The following GRAMD4 variants were observed in gnomAD, a reference collection of about 807,000 sequenced individuals.
GRAMD4 encodes GRAM domain-containing protein 4.
Under a neutral mutation model 83.9 loss-of-function variants are expected in GRAMD4, and 25 were observed. The observed-to-expected ratio is 0.30, with a 90% CI of 0.22 to 0.42. The LOEUF is 0.42. Ranked by LOEUF, GRAMD4 falls within the 10% of genes least tolerant of loss-of-function variation. The probability of loss-of-function intolerance (pLI) is 1.00; values close to 1 mark genes in which losing one functional copy is unlikely to be tolerated. For missense variants in GRAMD4, 593 were observed against 788.7 expected (o/e 0.75, Z 2.97); for synonymous variants, 336 against 320.9 (o/e 1.05, Z -0.50).
At position 46,678,448 on chromosome 22, in the gene GRAMD4, G is replaced by A. The variant is rs2082631117; in HGVS notation, c.*1197G>A. ...GCCTGGGCTTCCCGGGAACAAGGTG[G>A]CATTTGTGGAGGGAGCGCCCGCAGG... On this transcript the variant is annotated 3_prime_UTR_variant, in exon 19 of 19. Transcript: ENST00000406902. 1.0e-6 allele frequency: 1 copy of A among 985,432 alleles called. No homozygotes were observed. Among genetic ancestry groups the A allele is most frequent in the East Asian group, 1.1e-4 (1 of 8,776 alleles). The allele number at this position is 985,432 out of a possible 1,614,324, so 61.0% of individuals were successfully genotyped here. A position where few individuals can be genotyped will look rare whatever the true frequency, so the allele number is the denominator to read the frequency against.
intron 16 of GRAMD4, among the ~76,000 whole-genome samples, chr22:46,675,124 A>C (rs1336899696): frequency 6.6e-6 from 1 of 151,958 alleles, no homozygotes; most frequent in African/African-American, 2.4e-5. Context: ...TGAGTGTCTC[A>C]CTCAGAGCAG....
intron 4 of GRAMD4, among the ~76,000 whole-genome samples, chr22:46,658,519 C>T (rs1365302544): frequency 1.3e-5 from 2 of 152,176 alleles, no homozygotes; most frequent in African/African-American, 4.8e-5. Context: ...AATGTGTCAT[C>T]TTCCTGTGCC....
At chr22:46,640,357 G>A (rs1555967121) in intron 3 of GRAMD4, among the ~76,000 whole-genome samples, 1 of 152,190 alleles carries the variant, frequency 6.6e-6, no homozygotes, top group Non-Finnish European at 1.5e-5. Flanking sequence ...GCTGGCATGT[G>A]GGGTGGAGGG....
chr22:46,581,509 C>T (rs942677213), intron 1 of GRAMD4, among the ~76,000 whole-genome samples: 5 of 152,230 alleles, frequency 3.3e-5, no homozygotes, highest in African/African-American at 9.6e-5. Flanking sequence ...TGATAACCCT[C>T]CTCTAAGGGG....
At chr22:46,639,446 G>T (rs1333526315) in intron 3 of GRAMD4, among the ~76,000 whole-genome samples, 8 of 151,948 alleles carry the variant, frequency 5.3e-5, no homozygotes, top group East Asian at 1.9e-4. Flanking sequence ...GTCTGCGTGT[G>T]CAGCAGTAGT....
At chr22:46,662,778 G>A (rs1271474400) in intron 5 of GRAMD4, among the ~76,000 whole-genome samples, 1 of 152,230 alleles carries the variant, frequency 6.6e-6, no homozygotes, top group Admixed American at 6.5e-5. Flanking sequence ...AAAGCAGAGA[G>A]ACCCGGCACT....
At chr22:46,643,254 ACCATCCGT>A (rs1335261854) in intron 3 of GRAMD4, among the ~76,000 whole-genome samples, 3 of 7,104 alleles carry the variant, frequency 4.2e-4, no homozygotes, top group Non-Finnish European at 6.3e-4. Context: ...CATCCATCCA[ACCATCCGT>A]CCATCCGTCC....
chr22:46,653,727 A>G (rs1378780045), intron 3 of GRAMD4, among the ~76,000 whole-genome samples: 2 of 152,182 alleles, frequency 1.3e-5, no homozygotes, highest in Admixed American at 1.3e-4. Context: ...TGACCTATGG[A>G]TGGAGAGGCA....
At position 46,582,508 on chromosome 22, in the gene GRAMD4, G is replaced by A. The variant is rs190118422; in HGVS notation, c.-50+5218G>A. ...TTCCTGAGGTTCTTGTTTGTCTACT[G>A]TTTACCACGCTTCCCTTCTAGAAGG... On this transcript the variant is annotated intron_variant, in intron 1 of 1. Coordinates refer to the GRAMD4 transcript ENST00000431155. 5.3e-5 allele frequency among the ~76,000 whole-genome samples: 8 copies of A among 152,230 alleles called. No individual in the cohort carries two copies. The East Asian group carries it at 1.4e-3, about 26-fold the overall frequency.
upstream of GRAMD4, among the ~76,000 whole-genome samples, chr22:46,618,514 A>G (rs1046598090): frequency 1.3e-5 from 2 of 151,966 alleles, no homozygotes; most frequent in African/African-American, 4.8e-5. This position sits in a 1 kb window ranked among gnomAD's most constrained non-coding sequence, Gnocchi z 5.8. Context: ...GCTGCAGCCA[A>G]GCCTAGATGA....
At chr22:46,610,938 G>A (rs1325930496) in intron 1 of GRAMD4, among the ~76,000 whole-genome samples, 1 of 152,166 alleles carries the variant, frequency 6.6e-6, no homozygotes, top group Non-Finnish European at 1.5e-5. Flanking sequence ...TTGCAGGCCG[G>A]GAGTGGTGGC....
intron 17 of GRAMD4, 122 bp downstream of exon 17, chr22:46,675,674 C>A: frequency 1.4e-6 from 1 of 712,418 alleles, no homozygotes; most frequent in Non-Finnish European, 2.5e-6. Context: ...CGCGGCCACG[C>A]TGGCCGGCCA....
chr22:46,665,850 C>T (rs1166769295), intron 9 of GRAMD4, 144 bp downstream of exon 9: 1 of 602,858 alleles, frequency 1.7e-6, no homozygotes, highest in African/African-American at 1.8e-5. Context: ...TCCAGAGACC[C>T]CCCAGGCAGG....
chr22:46,668,510 C>T (rs908251724), intron 11 of GRAMD4, among the ~76,000 whole-genome samples, 179 bp from the exon 12 acceptor site: 5 of 152,122 alleles, frequency 3.3e-5, no homozygotes, highest in African/African-American at 7.2e-5. Flanking sequence ...TTGCTGTGAG[C>T]GTGGCCACCT....
rs570922108 is a variant in GRAMD4 at position 46,622,389 on chromosome 22, C to T, written c.-50+1824C>T. 7.2e-5 allele frequency among the ~76,000 whole-genome samples: 11 copies of T among 152,268 alleles called. No individual in the cohort carries two copies. The South Asian group carries it at 1.9e-3, about 26-fold the overall frequency. On this transcript the variant is annotated intron_variant, in intron 1 of 18. Coordinates refer to ENST00000406902, the MANE Select transcript of GRAMD4 (RefSeq NM_015124.5). The surrounding 1 kb of genome is among the most constrained non-coding windows in gnomAD (Gnocchi z 4.0). ...AGCTGCCGCAACCAGGAGGACTCGC[C>T]GGGTTTTTGAAAATGGAAGGAAGTA...
intron 3 of GRAMD4, among the ~76,000 whole-genome samples, chr22:46,655,938 G>A (rs903077548): frequency 1.3e-5 from 2 of 151,974 alleles, no homozygotes; most frequent in African/African-American, 4.8e-5. Flanking sequence ...GAGAAAAGTA[G>A]CCGTGCCAGG....
Position 46,677,364 on chromosome 22 carries a change from A to G in GRAMD4, c.*113A>G. On this transcript the variant is annotated 3_prime_UTR_variant, in exon 19 of 19. Coordinates refer to ENST00000406902, the MANE Select transcript of GRAMD4 (RefSeq NM_015124.5). ...GGACATCCTCATGAGCTTTTGCAAT[A>G]ATTCTCCTGGACCTGTGGTTCTATT... 6.9e-7 allele frequency: 1 copy of G among 1,447,956 alleles called. No individual in the cohort carries two copies. The highest frequency in any genetic ancestry group is 9.1e-7 in the Non-Finnish European group (1 of 1,103,062). 89.7% of individuals were successfully genotyped at this position (1,447,956 alleles called of 1,614,324 possible). A position where few individuals can be genotyped will look rare whatever the true frequency, so the allele number is the denominator to read the frequency against.
intron 3 of GRAMD4, among the ~76,000 whole-genome samples, chr22:46,648,775 GATGGATGGATGGATGGATGGATGGATGC>G (rs2082114134): frequency 8.5e-6 from 1 of 117,626 alleles, no homozygotes; most frequent in African/African-American, 3.7e-5. Context: ...TGCATGGATG[GATGGATGGATGGATGGATGGATGGATGC>G]ATGGATGGAT....
chr22:46,598,782 G>T (rs943457225), intron 1 of GRAMD4, among the ~76,000 whole-genome samples: 3 of 152,088 alleles, frequency 2.0e-5, no homozygotes, highest in Admixed American at 2.0e-4. Context: ...CTCAAAATCC[G>T]TGCGGGCCAG....
Sources: gnomAD v4.1 joint callset for allele counts (sites outside exome capture counted in the v4.1 genomes callset) on GRCh38, gnomAD v4.1.1 for gene constraint, Gnocchi (gnomAD v3.1) non-coding constraint, MANE v1.5 for transcripts, NCBI Gene and HGNC (gene_info 2026-07-23, HGNC 2026-07-21) for gene names.